The following MTBP variants were observed in gnomAD, a reference collection of about 807,000 sequenced individuals.
MTBP encodes MDM2 binding protein, also known as mdm2-binding protein.
MTBP carries 101 observed loss-of-function variants against 117.0 expected under a neutral mutation model. That is an observed-to-expected ratio of 0.86 (90% CI 0.73 to 1.02). The LOEUF is 1.02. Among genes scored for constraint, MTBP ranks in the 50% least tolerant of loss-of-function variants. The pLI is 0.00. For synonymous variants in MTBP, 350 were observed against 351.5 expected, an observed-to-expected ratio of 1.00 and a Z score of 0.05; for missense variants, 970 against 1,030.9, an observed-to-expected ratio of 0.94 and a Z score of 0.81.
chr8:120,461,033 C>T (rs541984140), intron 8 of MTBP, 128 bp from the exon 9 acceptor site: 8 of 617,758 alleles, frequency 1.3e-5, no homozygotes, highest in Non-Finnish European at 2.3e-5. Context: ...GGATTAAATG[C>T]TAGGCATGCT....
intron 13 of MTBP, among the ~76,000 whole-genome samples, chr8:120,493,056 C>G (rs939286003): frequency 6.6e-6 from 1 of 152,194 alleles, no homozygotes; most frequent in Non-Finnish European, 1.5e-5. Context: ...AGTCTCTACT[C>G]TGAGCTCCCT....
chr8:120,498,975 C>G (rs1179780506), intron 14 of MTBP, among the ~76,000 whole-genome samples: 1 of 152,178 alleles, frequency 6.6e-6, no homozygotes, highest in Non-Finnish European at 1.5e-5. Flanking sequence ...ACTTGACACA[C>G]TGAGCTGCAG....
At chr8:120,483,749 A>AT (rs1232578744) in intron 11 of MTBP, among the ~76,000 whole-genome samples, 1 of 152,182 alleles carries the variant, frequency 6.6e-6, no homozygotes, top group African/African-American at 2.4e-5. Context: ...TGTATAGTAT[A>AT]TCCAAAATAT....
rs754074104 is a variant in MTBP, at chr8:120,490,545, A to G, written c.1422A>G (p.Gln474=). The change falls in exon 13 of 22, where the codon CAA becomes CAG. Residue 474 remains glutamine (Q), a synonymous_variant. Coordinates refer to ENST00000305949, the MANE Select transcript of MTBP (RefSeq NM_022045.5). ...GAGAGAAACAGTTAGCTAATGTTCA[A>G]GTTTTAGCTTTGGAAGAATGCCTAA... ...VQREKQLANV[Q]VLALEECLKR... 6.2e-7 allele frequency: 1 copy of G among 1,604,966 alleles called. No homozygotes were observed. Among genetic ancestry groups the G allele is most frequent in the Admixed American group, 1.7e-5 (1 of 58,070 alleles).
intron 8 of MTBP, among the ~76,000 whole-genome samples, chr8:120,460,653 G>T (rs1813564625): frequency 6.6e-6 from 1 of 152,052 alleles, no homozygotes; most frequent in Admixed American, 6.6e-5. Flanking sequence ...ATTAGCACAT[G>T]CTGGCTTCAC....
At chr8:120,496,159 C>T (rs1344008258) in intron 13 of MTBP, among the ~76,000 whole-genome samples, 1 of 152,134 alleles carries the variant, frequency 6.6e-6, no homozygotes, top group African/African-American at 2.4e-5. Context: ...AACCCTGCAG[C>T]AGAAGTCTGC....
chr8:120,495,489 A>C (rs1306862506), intron 13 of MTBP, among the ~76,000 whole-genome samples: 1 of 152,060 alleles, frequency 6.6e-6, no homozygotes, highest in Non-Finnish European at 1.5e-5. Flanking sequence ...TGGGAGAGTC[A>C]TATCTTGAAA....
At chr8:120,476,034 G>T (rs919545330) in intron 11 of MTBP, among the ~76,000 whole-genome samples, 1 of 151,930 alleles carries the variant, frequency 6.6e-6, no homozygotes, top group Non-Finnish European at 1.5e-5. Context: ...GAAAAATAAG[G>T]TAATCAAGGA....
chr8:120,453,940 C>CT, intron 5 of MTBP, 35 bp downstream of exon 5: 1 of 1,239,980 alleles, frequency 8.1e-7, no homozygotes, highest in South Asian at 1.4e-5. Flanking sequence ...TAATTTGTAT[C>CT]TTATCTTATT....
At chr8:120,474,610 A>G (rs543077039) in intron 11 of MTBP, among the ~76,000 whole-genome samples, 1 of 152,138 alleles carries the variant, frequency 6.6e-6, no homozygotes, top group African/African-American at 2.4e-5. Context: ...CTAACTTTGT[A>G]CTGTTTCCTA....
intron 14 of MTBP, 61 bp from the exon 15 acceptor site, chr8:120,502,431 T>C: frequency 8.4e-7 from 1 of 1,185,888 alleles, no homozygotes; most frequent in South Asian, 1.5e-5. Flanking sequence ...ATACACATTT[T>C]TATTAGCAAA....
intron 15 of MTBP, 59 bp from the exon 16 acceptor site, chr8:120,506,647 C>G (rs1486554869): frequency 2.6e-6 from 3 of 1,150,626 alleles, no homozygotes; most frequent in African/African-American, 1.7e-5. Context: ...TTTTTTGACT[C>G]TGGCTTCTCT....
At chr8:120,507,808 C>T (rs1814719231) in intron 16 of MTBP, among the ~76,000 whole-genome samples, 1 of 151,924 alleles carries the variant, frequency 6.6e-6, no homozygotes, top group Non-Finnish European at 1.5e-5. Context: ...TAATTTTTTT[C>T]CCATAACTTT....
chr8:120,474,801 T>C (rs367996236), intron 11 of MTBP, among the ~76,000 whole-genome samples: 8 of 151,962 alleles, frequency 5.3e-5, no homozygotes, highest in Non-Finnish European at 1.2e-4. Flanking sequence ...GAATTTACAC[T>C]GTACCACAGA....
At chr8:120,486,151 C>T (rs1814208407) in intron 11 of MTBP, among the ~76,000 whole-genome samples, 1 of 152,096 alleles carries the variant, frequency 6.6e-6, no homozygotes, top group Admixed American at 6.6e-5. Flanking sequence ...TTCCCAGGTT[C>T]TCTCTAATGA....
Position 120,512,231 on chromosome 8 carries a change from T to G in MTBP, c.1979+2202T>G, listed in dbSNP as rs147071024. Among the ~76,000 whole-genome samples the G allele has an allele frequency of 3.9e-3, 600 of 152,288 alleles. 4 individuals carry two copies. The highest frequency in any genetic ancestry group is 0.014 in the African/African-American group (574 of 41,564). On this transcript the variant is annotated intron_variant, in intron 17 of 21. Coordinates refer to ENST00000305949, the MANE Select transcript of MTBP (RefSeq NM_022045.5). The stretch of plus-strand genomic sequence containing the variant: ...AAATGTGCTAGTATTAACATTTGCT[T>G]TGCTACATGGCCAGAATACCCCAGG...
rs375836611 is a variant in MTBP at position 120,520,921 on chromosome 8, G to T, written c.2611-1733G>T. On this transcript the variant is annotated intron_variant, in intron 20 of 21. Coordinates refer to ENST00000305949, the MANE Select transcript of MTBP (RefSeq NM_022045.5). ...ATTCAAACATGGAATATCTGAAAAA[G>T]AATTTATTTTACCCTTTTGAGGAAT... Among the ~76,000 whole-genome samples, 111 of 152,156 alleles carry T rather than the reference G, an allele frequency of 7.3e-4. 1 individual carries two copies. Among genetic ancestry groups the T allele is most frequent in the African/African-American group, 2.6e-3 (106 of 41,528 alleles).
chr8:120,503,974 C>A (rs1178575971), intron 15 of MTBP, among the ~76,000 whole-genome samples: 1 of 152,028 alleles, frequency 6.6e-6, no homozygotes, highest in Non-Finnish European at 1.5e-5. Flanking sequence ...GAGAAAAAGT[C>A]AAGAATTCTT....
chr8:120,446,470 A>C lies in MTBP; in HGVS notation c.156A>C (p.Arg52Ser), dbSNP rs1813229499. The change falls in exon 2 of 22, where the codon AGA becomes AGC. Residue 52 changes from arginine (R) to serine (S), a missense_variant. Coordinates refer to ENST00000305949, the MANE Select transcript of MTBP (RefSeq NM_022045.5). ...CAAATGTTTATCACCTCTTGAAAAG[A>C]AGCATTAGTGCTTCAATTAATCCAG... Reference protein sequence around the residue: ...TAANVYHLLKRSISASINPED... With the variant: ...TAANVYHLLKSSISASINPED... 1 of 1,609,976 alleles carries C rather than the reference A, an allele frequency of 6.2e-7. No individual in the cohort carries two copies. Among genetic ancestry groups the C allele is most frequent in the Non-Finnish European group, 8.5e-7 (1 of 1,176,638 alleles).
Sources: gnomAD v4.1 joint callset for allele counts (sites outside exome capture counted in the v4.1 genomes callset) on GRCh38, gnomAD v4.1.1 for gene constraint, MANE v1.5 for transcripts, NCBI Gene and HGNC (gene_info 2026-07-23, HGNC 2026-07-21) for gene names.